Variants in MYZAP observed in about 807,000 individuals in gnomAD.
MYZAP encodes myocardial zonula adherens protein, also known as GRINL1A complex locus upstream.
MYZAP carries 66 observed loss-of-function variants against 69.4 expected under a neutral mutation model. The observed-to-expected ratio is 0.95, with a 90% CI of 0.78 to 1.17. The LOEUF (loss-of-function observed/expected upper bound fraction) is 1.17, where lower values mean the gene tolerates loss of function less well. Among genes scored for constraint, MYZAP ranks in the 50% most tolerant of loss-of-function variants. The pLI is 0.00. For missense variants in MYZAP, 611 were observed against 556.2 expected (o/e 1.10, Z -0.99); for synonymous variants, 256 against 205.9 (o/e 1.24, Z -2.09).
In MYZAP at chr15:57,611,944, A is replaced by G. The variant is rs111288644; in HGVS notation, c.163-6089A>G. ...GCCAGAGGTTTCAGTTTTTCTGAGA[A>G]TATTTATTTCCCAGGCTGTGGAAAG... On this transcript the variant is annotated intron_variant, in intron 2 of 12. Transcript: ENST00000267853. Among the ~76,000 whole-genome samples, 709 of 152,278 alleles carry G rather than the reference A, an allele frequency of 4.7e-3. 2 individuals are homozygous for G. Among genetic ancestry groups the G allele is most frequent in the Non-Finnish European group, 7.8e-3 (530 of 68,034 alleles).
intron 11 of MYZAP, among the ~76,000 whole-genome samples, chr15:57,668,260 C>T (rs1358468429): frequency 2.0e-5 from 3 of 152,144 alleles, no homozygotes; most frequent in African/African-American, 7.2e-5. Context: ...GAGTACAACT[C>T]ATTATGTGAA....
chr15:57,662,915 A>G (rs1001924703), intron 11 of MYZAP, among the ~76,000 whole-genome samples: 23 of 152,278 alleles, frequency 1.5e-4, no homozygotes, highest in African/African-American at 3.9e-4. Flanking sequence ...ACCAGATTCA[A>G]CGCCCAAGAG....
At chr15:57,621,106 T>C (rs2035779766) in intron 3 of MYZAP, among the ~76,000 whole-genome samples, 1 of 148,428 alleles carries the variant, frequency 6.7e-6, no homozygotes, top group Admixed American at 6.7e-5. Flanking sequence ...TTTGGATAAT[T>C]CCTAACTAGT....
At chr15:57,654,723 G>A (rs910265786) in intron 10 of MYZAP, among the ~76,000 whole-genome samples, 1 of 152,150 alleles carries the variant, frequency 6.6e-6, no homozygotes, top group Non-Finnish European at 1.5e-5. Context: ...TGTCCTACAT[G>A]TTACTAATGG....
intron 4 of MYZAP, among the ~76,000 whole-genome samples, chr15:57,622,835 A>G (rs910923120): frequency 3.3e-5 from 5 of 152,254 alleles, no homozygotes; most frequent in Non-Finnish European, 7.3e-5. Flanking sequence ...TCCCAAAACC[A>G]TGAAAAGAAA....
At chr15:57,600,543 G>A (rs2034343953) in intron 1 of MYZAP, among the ~76,000 whole-genome samples, 1 of 152,164 alleles carries the variant, frequency 6.6e-6, no homozygotes, top group East Asian at 1.9e-4. Flanking sequence ...ATGAAGAATG[G>A]GCTCAAGCCA....
At position 57,684,431 on chromosome 15, in the gene MYZAP, T is replaced by C. The variant is rs1171275918; in HGVS notation, c.1334T>C (p.Met445Thr). ...SQTGRTREIV[M>T]PSRNYTPYTR... ...ACAGGCAGGACTCGTGAAATTGTGA[T>C]GCCTTCTAGGAACTACACCCCATAC... is the stretch of plus-strand genomic sequence containing the variant. The change falls in exon 13 of 13, where the codon ATG becomes ACG. Residue 445 changes from methionine (M) to threonine (T), a missense_variant. By Grantham distance (81) the Met-to-Thr change is moderately conservative (BLOSUM62 -1). Transcript: ENST00000267853. 1.2e-6 allele frequency: 2 copies of C among 1,613,350 alleles called. No homozygotes were observed. Among genetic ancestry groups the C allele is most frequent in the Non-Finnish European group, 1.7e-6 (2 of 1,179,760 alleles).
chr15:57,629,971 A>ATTTTTTTTT (rs59322468), intron 6 of MYZAP, 117 bp downstream of exon 6: 10,894 of 868,720 alleles, frequency 0.013, 243 homozygotes, highest in African/African-American at 0.058. Context: ...TCTTCATTGG[A>ATTTTTTTTT]TTTTTTTTTT....
chr15:57,643,913 T>G (rs2037305509), intron 10 of MYZAP, among the ~76,000 whole-genome samples: 2 of 152,216 alleles, frequency 1.3e-5, no homozygotes, highest in African/African-American at 2.4e-5. Context: ...TTAGACTTCT[T>G]TTGCTGAAAG....
intron 12 of MYZAP, among the ~76,000 whole-genome samples, chr15:57,682,972 A>T (rs917936342): frequency 2.0e-5 from 3 of 152,118 alleles, no homozygotes; most frequent in African/African-American, 4.8e-5. Flanking sequence ...TCATGTGTTC[A>T]TGCTCATTTT....
Position 57,591,952 on chromosome 15 carries a change from C to T in MYZAP, c.-83C>T. The T allele has an allele frequency of 8.2e-7, 1 of 1,220,682 alleles. No individual in the cohort carries two copies. The highest frequency in any genetic ancestry group is 1.6e-5 in the African/African-American group (1 of 63,150). The allele number at this position is 1,220,682 out of a possible 1,614,324, so 75.6% of individuals were successfully genotyped here. A position where few individuals can be genotyped will look rare whatever the true frequency, so the allele number is the denominator to read the frequency against. ...AAGTAGCCGGCGCCGTCCCGCGTCG[C>T]CCCCGCGCAGGGCGGGCCCCGCACG... On this transcript the variant is annotated 5_prime_UTR_variant, in exon 1 of 13. Coordinates refer to ENST00000267853, the MANE Select transcript of MYZAP (RefSeq NM_001018100.5).
intron 11 of MYZAP, among the ~76,000 whole-genome samples, chr15:57,672,014 A>G (rs1265447962): frequency 2.0e-5 from 3 of 152,192 alleles, no homozygotes; most frequent in Admixed American, 6.6e-5. Flanking sequence ...GCCAGACCCA[A>G]CTACATCCTG....
chr15:57,682,582 C>A (rs2039499798), intron 12 of MYZAP, among the ~76,000 whole-genome samples: 2 of 152,170 alleles, frequency 1.3e-5, no homozygotes, highest in Admixed American at 1.3e-4. Context: ...CTCGATAGTA[C>A]CAGAGGAATC....
At chr15:57,645,266 T>C (rs965449560) in intron 10 of MYZAP, among the ~76,000 whole-genome samples, 2 of 152,218 alleles carry the variant, frequency 1.3e-5, no homozygotes, top group Non-Finnish European at 2.9e-5. Context: ...CAGCAGTTCC[T>C]TGGGGGAAAC....
rs368309072 is a variant in MYZAP at position 57,683,020 on chromosome 15, A to G, written c.1305-1382A>G. ...GCGGGAAGGGAGGCTTGAGAGTTAA[A>G]TGAAGGGACTGTTGTGGATGTTTGG... On this transcript the variant is annotated intron_variant, in intron 12 of 12. Coordinates refer to ENST00000267853, the MANE Select transcript of MYZAP (RefSeq NM_001018100.5). 1.7e-4 allele frequency among the ~76,000 whole-genome samples: 26 copies of G among 152,268 alleles called. No individual in the cohort carries two copies. In the South Asian group the frequency reaches 5.4e-3, roughly 32 times the overall value.
intron 2 of MYZAP, among the ~76,000 whole-genome samples, chr15:57,611,430 A>AT (rs1242860395): frequency 6.6e-6 from 1 of 151,542 alleles, no homozygotes; most frequent in South Asian, 2.1e-4. Flanking sequence ...GCAGTTCCTG[A>AT]TTTTTTTTTC....
intron 2 of MYZAP, among the ~76,000 whole-genome samples, chr15:57,615,520 C>G (rs1231410522): frequency 6.6e-6 from 1 of 152,196 alleles, no homozygotes; most frequent in Non-Finnish European, 1.5e-5. Flanking sequence ...GCAAGCCAGT[C>G]CACCTCTGAA....
intron 4 of MYZAP, among the ~76,000 whole-genome samples, chr15:57,625,376 A>G (rs2036068936): frequency 1.3e-5 from 2 of 152,180 alleles, no homozygotes; most frequent in Admixed American, 1.3e-4. Context: ...ATTGAGTGAG[A>G]CCAAAGCATA....
intron 1 of MYZAP, among the ~76,000 whole-genome samples, chr15:57,603,386 C>T (rs2034539721): frequency 6.6e-6 from 1 of 152,150 alleles, no homozygotes; most frequent in South Asian, 2.1e-4. Context: ...AGTTCAGTGG[C>T]ATTAAGTGCA....
Sources: gnomAD v4.1 joint callset for allele counts (sites outside exome capture counted in the v4.1 genomes callset) on GRCh38, gnomAD v4.1.1 for gene constraint, MANE v1.5 for transcripts, NCBI Gene and HGNC (gene_info 2026-07-23, HGNC 2026-07-21) for gene names.